PRKG1: variants seen among roughly 807,000 people sequenced by gnomAD.
PRKG1 encodes the protein protein kinase cGMP-dependent 1, also known as cGMP-dependent protein kinase 1.
In PRKG1, 35 loss-of-function variants were observed where a neutral mutation model predicts 88.1. The observed-to-expected ratio is 0.40, with a 90% CI of 0.30 to 0.53. The LOEUF is 0.53. PRKG1 is among the 20% of genes least tolerant of loss of function. The pLI, the probability that PRKG1 is intolerant of heterozygous loss-of-function variation, is 0.59. For synonymous variants in PRKG1, 303 were observed against 292.5 expected, an observed-to-expected ratio of 1.04 and a Z score of -0.37; for missense variants, 540 against 839.8, an observed-to-expected ratio of 0.64 and a Z score of 4.41.
intron 14 of PRKG1, among the ~76,000 whole-genome samples, chr10:52,283,773 T>C (rs185878349): frequency 9.9e-5 from 15 of 152,164 alleles, no homozygotes; most frequent in African/African-American, 3.4e-4. Flanking sequence ...TGTGTGTGGA[T>C]GGATAGATAG....
chr10:51,728,970 T>C (rs541621791), intron 3 of PRKG1, among the ~76,000 whole-genome samples: 18 of 152,218 alleles, frequency 1.2e-4, no homozygotes, highest in Non-Finnish European at 2.5e-4. Context: ...TATTTCTTTC[T>C]GAAACTAAGT....
chr10:51,493,488 A>AT (rs1589014505), intron 3 of PRKG1, among the ~76,000 whole-genome samples: 1 of 152,154 alleles, frequency 6.6e-6, no homozygotes, highest in South Asian at 2.1e-4. Context: ...GCCAGAAAAT[A>AT]TTTTTTAGCT....
At position 51,428,585 on chromosome 10, in the gene PRKG1, G is replaced by T. The variant is rs759031162; in HGVS notation, c.479-39138G>T. ...TTGAGAAACATTTATTAAGAAAAAC[G>T]GCTGAACCCTGGGTAAGGGCACTAT... On this transcript the variant is annotated intron_variant, in intron 2 of 17. Transcript: ENST00000373980. 5.4e-4 allele frequency among the ~76,000 whole-genome samples: 82 copies of T among 152,106 alleles called. 2 individuals are homozygous for T. The highest frequency in any genetic ancestry group is 1.8e-4 in the Non-Finnish European group (12 of 68,014).
At chr10:51,915,825 A>T (rs1363663717) in intron 5 of PRKG1, among the ~76,000 whole-genome samples, 2 of 152,192 alleles carry the variant, frequency 1.3e-5, no homozygotes, top group Non-Finnish European at 2.9e-5. Context: ...GAAGATACAC[A>T]AAAGTCCTAT....
At chr10:51,884,466 A>AAAAAG (rs1841519557) in intron 4 of PRKG1, among the ~76,000 whole-genome samples, 6 of 139,540 alleles carry the variant, frequency 4.3e-5, no homozygotes, top group Admixed American at 2.9e-4. Flanking sequence ...AAAAAAAAAA[A>AAAAAG]AAAAGAAAAG....
intron 4 of PRKG1, among the ~76,000 whole-genome samples, chr10:51,846,026 C>T (rs1840389581): frequency 6.6e-6 from 1 of 152,028 alleles, no homozygotes; most frequent in Non-Finnish European, 1.5e-5. Flanking sequence ...GTCATATACC[C>T]TTAATTTTGA....
chr10:52,162,314 C>A (rs1838298013), intron 9 of PRKG1, among the ~76,000 whole-genome samples: 1 of 151,962 alleles, frequency 6.6e-6, no homozygotes. Flanking sequence ...GGAATTGTAT[C>A]AAAAATAATA....
intron 8 of PRKG1, among the ~76,000 whole-genome samples, chr10:52,135,034 A>G (rs1246777791): frequency 1.3e-5 from 2 of 152,174 alleles, no homozygotes; most frequent in Non-Finnish European, 2.9e-5. Flanking sequence ...GATTCAAAGG[A>G]GCAGCACAGA....
intron 3 of PRKG1, 123 bp downstream of exon 3, chr10:51,467,959 C>T (rs957160285): frequency 5.3e-5 from 44 of 825,378 alleles, no homozygotes; most frequent in Admixed American, 1.4e-4. Flanking sequence ...TTAATTTTTG[C>T]CCTGCAATAT....
intron 3 of PRKG1, among the ~76,000 whole-genome samples, chr10:51,772,605 AT>A (rs563463574): frequency 5.7e-4 from 85 of 148,336 alleles, no homozygotes; most frequent in Non-Finnish European, 8.5e-4. Flanking sequence ...TAAATCACAC[AT>A]TTTTTTTTTG....
intron 8 of PRKG1, among the ~76,000 whole-genome samples, chr10:52,154,305 C>T (rs1226095638): frequency 6.6e-6 from 1 of 152,154 alleles, no homozygotes; most frequent in East Asian, 1.9e-4. Flanking sequence ...ATGGATTTGA[C>T]AGTAACAGAA....
chr10:51,501,349 G>T (rs1387082883), intron 3 of PRKG1, among the ~76,000 whole-genome samples: 1 of 152,146 alleles, frequency 6.6e-6, no homozygotes, highest in African/African-American at 2.4e-5. Context: ...CAATTAAAGT[G>T]CTTGGACTGA....
At chr10:51,163,572 C>G (rs970839500) in intron 2 of PRKG1, among the ~76,000 whole-genome samples, 2 of 152,138 alleles carry the variant, frequency 1.3e-5, no homozygotes, top group Non-Finnish European at 2.9e-5. Flanking sequence ...GCACCATGTG[C>G]GAGCCGAAGC....
intron 5 of PRKG1, among the ~76,000 whole-genome samples, chr10:52,011,539 G>C (rs1049671805): frequency 2.6e-5 from 4 of 151,978 alleles, no homozygotes; most frequent in African/African-American, 4.8e-5. Context: ...TACCCTGCTT[G>C]CATCACCAAG....
At chr10:51,852,213 G>GTATA (rs10650535) in intron 4 of PRKG1, among the ~76,000 whole-genome samples, 13,152 of 143,190 alleles carry the variant, frequency 0.092, 961 homozygotes, top group African/African-American at 0.21. Context: ...TTTTATATGT[G>GTATA]TATATATATA....
At chr10:51,430,334 T>C (rs1483023110) in intron 2 of PRKG1, among the ~76,000 whole-genome samples, 1 of 152,008 alleles carries the variant, frequency 6.6e-6, no homozygotes, top group Admixed American at 6.6e-5. Flanking sequence ...GGTGGGAGGA[T>C]TACTTGAGCC....
chr10:51,841,548 A>C (rs1277760732), intron 4 of PRKG1, among the ~76,000 whole-genome samples: 3 of 152,182 alleles, frequency 2.0e-5, no homozygotes, highest in African/African-American at 4.8e-5. Context: ...TTAAAAATGC[A>C]TAAGATTTTT....
chr10:52,147,753 C>CTTT (rs1837773536), intron 8 of PRKG1, among the ~76,000 whole-genome samples: 1 of 152,034 alleles, frequency 6.6e-6, no homozygotes, highest in Non-Finnish European at 1.5e-5. Context: ...CAAAGGTAGA[C>CTTT]CGGATGGGCT....
At chr10:51,226,962 A>G (rs996530804) in intron 2 of PRKG1, among the ~76,000 whole-genome samples, 4 of 152,066 alleles carry the variant, frequency 2.6e-5, no homozygotes, top group Admixed American at 2.6e-4. Flanking sequence ...CCCACCGACC[A>G]CTTGGTGACA....
Sources: allele counts gnomAD v4.1 joint callset (sites outside exome capture counted in the v4.1 genomes callset), GRCh38; gene constraint gnomAD v4.1.1; transcripts MANE v1.5; gene names NCBI Gene and HGNC (gene_info 2026-07-23, HGNC 2026-07-21).